Variants in MTFR1 observed in about 807,000 individuals in gnomAD.
The protein encoded by MTFR1 is mitochondrial fission regulator 1, also known as chondrocyte protein with a poly-proline region.
In MTFR1, 28 loss-of-function variants were observed where a neutral mutation model predicts 38.8. The ratio of observed to expected loss-of-function variants is 0.72; its 90% CI spans 0.53 to 0.99. The LOEUF (loss-of-function observed/expected upper bound fraction) is 0.99, where lower values mean the gene tolerates loss of function less well. Among genes scored for constraint, MTFR1 ranks in the 50% least tolerant of loss-of-function variants. The probability of loss-of-function intolerance (pLI) is 0.00; values close to 1 mark genes in which losing one functional copy is unlikely to be tolerated. For missense variants in MTFR1, 358 were observed against 395.5 expected (o/e 0.91, Z 0.81); for synonymous variants, 145 against 137.0 (o/e 1.06, Z -0.41).
At chr8:65,730,411 C>T (rs907710084) in intron 3 of MTFR1, among the ~76,000 whole-genome samples, 3 of 151,672 alleles carry the variant, frequency 2.0e-5, no homozygotes, top group African/African-American at 7.3e-5. Flanking sequence ...AACTCCCAAC[C>T]TCAGGTGATC....
intron 2 of MTFR1, among the ~76,000 whole-genome samples, chr8:65,676,700 T>A (rs1804717208): frequency 6.6e-6 from 1 of 152,136 alleles, no homozygotes; most frequent in Non-Finnish European, 1.5e-5. Context: ...AATTTATAGT[T>A]TTTCCTGCTA....
intron 3 of MTFR1, among the ~76,000 whole-genome samples, chr8:65,760,170 G>A (rs1808423689): frequency 6.6e-6 from 1 of 152,192 alleles, no homozygotes; most frequent in Non-Finnish European, 1.5e-5. Flanking sequence ...AACCTGGGAA[G>A]TAGAGGTTGC....
At chr8:65,772,151 G>A (rs922559792), downstream of MTFR1, among the ~76,000 whole-genome samples, 2 of 152,204 alleles carry the variant, frequency 1.3e-5, no homozygotes, top group Non-Finnish European at 2.9e-5. Flanking sequence ...GAAATTAACA[G>A]TGAGTTTAGG....
chr8:65,748,631 C>CT (rs761466993), intron 3 of MTFR1, among the ~76,000 whole-genome samples: 14 of 152,296 alleles, frequency 9.2e-5, no homozygotes, highest in Middle Eastern at 3.4e-3. Flanking sequence ...AAAATCAAGA[C>CT]TGAGGATCAA....
At chr8:65,648,540 A>G (rs1470698295) in intron 1 of MTFR1, among the ~76,000 whole-genome samples, 1 of 152,218 alleles carries the variant, frequency 6.6e-6, no homozygotes, top group African/African-American at 2.4e-5. Context: ...TACTGAAGTT[A>G]TTGTCAACCA....
At chr8:65,667,600 G>A (rs761123839) in intron 1 of MTFR1, among the ~76,000 whole-genome samples, 4 of 151,762 alleles carry the variant, frequency 2.6e-5, no homozygotes, top group African/African-American at 7.3e-5. Flanking sequence ...GCTAATTTTT[G>A]TATTTTTAGT....
At chr8:65,650,593 T>C (rs569097074) in intron 1 of MTFR1, among the ~76,000 whole-genome samples, 1 of 152,232 alleles carries the variant, frequency 6.6e-6, no homozygotes, top group Non-Finnish European at 1.5e-5. Flanking sequence ...CATAATATCC[T>C]CCAGTTCCAT....
Position 65,707,952 on chromosome 8 carries a change from G to A in MTFR1, c.874G>A (p.Asp292Asn), listed in dbSNP as rs746530011. The A allele has an allele frequency of 6.2e-7, 1 of 1,613,954 alleles. No homozygotes were observed. The highest frequency in any genetic ancestry group is 1.1e-5 in the South Asian group (1 of 91,086). ...TTATCGGTATCGAAGTGATAGCCAA[G>A]ATGAAGTTGAAAAAGGAATTCCAAA... is the stretch of plus-strand genomic sequence containing the variant. Reference protein sequence around the residue: ...FAYRYRSDSQDEVEKGIPKSE... With the variant: ...FAYRYRSDSQNEVEKGIPKSE... The change falls in exon 7 of 8, where the codon GAT (aspartate) becomes AAT (asparagine). Residue 292 changes from aspartate to asparagine, a missense_variant. Transcript: ENST00000262146.
intron 3 of MTFR1, among the ~76,000 whole-genome samples, chr8:65,767,466 C>G (rs1307317075): frequency 6.6e-6 from 1 of 152,220 alleles, no homozygotes; most frequent in African/African-American, 2.4e-5. Context: ...TTGTTACAGT[C>G]TTTTATTAAA....
intron 1 of MTFR1, among the ~76,000 whole-genome samples, chr8:65,669,391 A>C (rs1399194471): frequency 6.6e-6 from 1 of 152,138 alleles, no homozygotes; most frequent in Non-Finnish European, 1.5e-5. Context: ...TCTTTTCATA[A>C]ATGTATTTTT....
At chr8:65,713,455 C>T (rs1471585126), downstream of MTFR1, among the ~76,000 whole-genome samples, 1 of 130,294 alleles carries the variant, frequency 7.7e-6, no homozygotes, top group Non-Finnish European at 1.7e-5. Flanking sequence ...CACACACACA[C>T]ACACACACAC....
chr8:65,734,848 T>C lies in MTFR1; in HGVS notation c.*48+15367T>C, dbSNP rs575421765. 10 of 1,612,802 alleles carry C rather than the reference T, an allele frequency of 6.2e-6. No homozygotes were observed. In the East Asian group the frequency reaches 6.7e-5, roughly 11 times the overall value. On this transcript the variant is annotated intron_variant, in intron 3 of 3. Coordinates refer to the MTFR1 transcript ENST00000521247. The stretch of plus-strand genomic sequence containing the variant: ...CCTGAGTAACATCCGCAGCGTGGAC[T>C]GCGTTATGGTAAGGATTTTGACTGT...
intron 3 of MTFR1, among the ~76,000 whole-genome samples, chr8:65,735,660 G>A (rs1210688672): frequency 6.6e-6 from 1 of 152,014 alleles, no homozygotes; most frequent in African/African-American, 2.4e-5. Context: ...GTCTCGCTCT[G>A]TCACTCAGGC....
At chr8:65,742,783 T>C (rs970907519) in intron 3 of MTFR1, among the ~76,000 whole-genome samples, 3 of 152,200 alleles carry the variant, frequency 2.0e-5, no homozygotes, top group Non-Finnish European at 4.4e-5. Flanking sequence ...AATGTATAAA[T>C]CTCCACCTCT....
At chr8:65,751,228 T>C (rs1014157173) in intron 3 of MTFR1, among the ~76,000 whole-genome samples, 1 of 152,216 alleles carries the variant, frequency 6.6e-6, no homozygotes, top group African/African-American at 2.4e-5. Context: ...CAACTAAAAC[T>C]ACCTCAAAGT....
At chr8:65,697,984 G>A (rs908958455) in intron 4 of MTFR1, among the ~76,000 whole-genome samples, 5 of 151,914 alleles carry the variant, frequency 3.3e-5, no homozygotes, top group African/African-American at 1.2e-4. Context: ...GTCTTTCATG[G>A]AGCAAAAGTT....
At chr8:65,762,519 G>T (rs1381745595) in intron 3 of MTFR1, among the ~76,000 whole-genome samples, 1 of 152,138 alleles carries the variant, frequency 6.6e-6, no homozygotes, top group African/African-American at 2.4e-5. Flanking sequence ...TACTAGTTCT[G>T]TGACATTAAA....
chr8:65,684,810 G>C (rs1327447968), intron 3 of MTFR1, among the ~76,000 whole-genome samples: 2 of 151,624 alleles, frequency 1.3e-5, no homozygotes, highest in Admixed American at 1.3e-4. Context: ...TTCGAGACCA[G>C]CCCGGCCAAC....
At chr8:65,717,436 T>C (rs1806186579) in intron 2 of MTFR1, 1 of 152,216 alleles carries the variant, frequency 6.6e-6, no homozygotes, top group Non-Finnish European at 1.5e-5. Flanking sequence ...CTTATGCAGT[T>C]CACCACTGTA....
Sources: gnomAD v4.1 joint callset for allele counts (sites outside exome capture counted in the v4.1 genomes callset) on GRCh38, gnomAD v4.1.1 for gene constraint, MANE v1.5 for transcripts, NCBI Gene and HGNC (gene_info 2026-07-23, HGNC 2026-07-21) for gene names.